RYR2: variants seen among roughly 807,000 people sequenced by gnomAD.
RYR2 encodes ryanodine receptor 2.
Under a neutral mutation model 601.1 loss-of-function variants are expected in RYR2, and 227 were observed. The observed-to-expected ratio is 0.38, with a 90% CI of 0.34 to 0.42. The LOEUF is 0.42. RYR2 is among the 10% of genes least tolerant of loss of function. The probability of loss-of-function intolerance (pLI) is 1.00; values close to 1 mark genes in which losing one functional copy is unlikely to be tolerated. For synonymous variants in RYR2, 2,223 were observed against 2,175.1 expected (o/e 1.02, Z -0.61); for missense variants, 4,646 against 6,156.5 (o/e 0.75, Z 8.21).
At chr1:237,396,846 C>T (rs1178933295) in intron 10 of RYR2, among the ~76,000 whole-genome samples, 1 of 151,978 alleles carries the variant, frequency 6.6e-6, no homozygotes, top group African/African-American at 2.4e-5. Flanking sequence ...AAATAGATCA[C>T]AGACTTAAAT....
intron 23 of RYR2, among the ~76,000 whole-genome samples, chr1:237,510,174 A>C (rs1351082955): frequency 2.0e-5 from 3 of 152,200 alleles, no homozygotes; most frequent in Non-Finnish European, 4.4e-5. Context: ...GAGAGGGCAC[A>C]GGTACCTCAG....
intron 25 of RYR2, among the ~76,000 whole-genome samples, chr1:237,544,253 G>A (rs1024841193): frequency 6.6e-5 from 10 of 151,916 alleles, no homozygotes; most frequent in African/African-American, 2.4e-4. Context: ...ATGATTGATG[G>A]CACAGAGAAT....
chr1:237,047,299 A>G (rs1660707925), intron 1 of RYR2, among the ~76,000 whole-genome samples: 1 of 150,222 alleles, frequency 6.7e-6, no homozygotes, highest in Admixed American at 6.6e-5. Context: ...AGTGAAAAGG[A>G]GGTTTCTTTT....
intron 5 of RYR2, among the ~76,000 whole-genome samples, chr1:237,367,139 G>A (rs1201039663): frequency 6.6e-6 from 1 of 152,118 alleles, no homozygotes; most frequent in East Asian, 1.9e-4. Flanking sequence ...TGTTGCCCAG[G>A]CTGGAGTGCA....
In RYR2 at chr1:237,106,268, G is replaced by A. The variant is rs574778614; in HGVS notation, c.48+63699G>A. Among the ~76,000 whole-genome samples the A allele has an allele frequency of 6.6e-6, 1 of 152,354 alleles. No homozygotes were observed. The highest frequency in any genetic ancestry group is 2.1e-4 in the South Asian group (1 of 4,824). ...TAAACAGGGGTGGGCAGGGAGAACAGCTCCCCTGCACCAGCTCCCGCTGGG... is the reference window on the plus strand; with the variant it reads ...TAAACAGGGGTGGGCAGGGAGAACAACTCCCCTGCACCAGCTCCCGCTGGG... On this transcript the variant is annotated intron_variant, in intron 1 of 104. Transcript: ENST00000366574. The surrounding 1 kb of genome is among the most constrained non-coding windows in gnomAD (Gnocchi z 4.4).
intron 101 of RYR2, among the ~76,000 whole-genome samples, chr1:237,821,076 A>T (rs1008690547): frequency 6.6e-6 from 1 of 152,086 alleles, no homozygotes. Flanking sequence ...GCACCTGGGG[A>T]AAGGGGTGGC....
chr1:237,832,413 ATAGT>A, intron 104 of RYR2, 135 bp from the exon 105 acceptor site: 3 of 504,474 alleles, frequency 5.9e-6, no homozygotes, highest in East Asian at 3.2e-5. Flanking sequence ...AAGGTCTGGT[ATAGT>A]TAGTTAGGAA....
At chr1:237,631,613 A>ATTTTTTTTGT (rs1680264532) in intron 42 of RYR2, 72 bp downstream of exon 42, 1 of 191,274 alleles carries the variant, frequency 5.2e-6, no homozygotes, top group African/African-American at 6.8e-5. Flanking sequence ...TAGAATGCAG[A>ATTTTTTTTGT]TTTTTTTTTT....
chr1:237,149,815 T>G (rs894901248), intron 1 of RYR2, among the ~76,000 whole-genome samples: 3 of 151,586 alleles, frequency 2.0e-5, no homozygotes, highest in African/African-American at 7.3e-5. Context: ...AATGCTATCT[T>G]GAAATGCTGC....
At chr1:237,554,535 A>T (rs1053741939) in intron 27 of RYR2, among the ~76,000 whole-genome samples, 4 of 151,958 alleles carry the variant, frequency 2.6e-5, no homozygotes, top group Non-Finnish European at 4.4e-5. Context: ...CTGTTTTCTG[A>T]AAGAATTTGT....
intron 25 of RYR2, among the ~76,000 whole-genome samples, chr1:237,533,601 C>T (rs16835364): frequency 0.019 from 2,936 of 151,758 alleles, 58 homozygotes; most frequent in African/African-American, 0.049. Context: ...ATAGATGAAC[C>T]TAAAAAATAA....
intron 8 of RYR2, among the ~76,000 whole-genome samples, chr1:237,383,417 GTTTTTTTTTTTTTTTTT>G (rs10567644): frequency 5.9e-5 from 3 of 50,560 alleles, no homozygotes; most frequent in Admixed American, 2.6e-4. Flanking sequence ...CTTTTTTCTT[GTTTTTTTTTTTTTTTTT>G]TTTTTTTTTT....
intron 17 of RYR2, among the ~76,000 whole-genome samples, chr1:237,477,767 A>G (rs10495396): frequency 0.47 from 71,995 of 152,010 alleles, 18,993 homozygotes; most frequent in East Asian, 0.7. Flanking sequence ...ACTTAGTTCA[A>G]TCTTCTCAAG....
At chr1:237,406,313 C>T (rs1007607345) in intron 10 of RYR2, among the ~76,000 whole-genome samples, 2 of 149,850 alleles carry the variant, frequency 1.3e-5, no homozygotes, top group African/African-American at 4.9e-5. Context: ...CCATGTCAAA[C>T]TGTACATTCG....
intron 65 of RYR2, among the ~76,000 whole-genome samples, chr1:237,701,280 C>T (rs1309438591): frequency 6.6e-6 from 1 of 152,178 alleles, no homozygotes; most frequent in African/African-American, 2.4e-5. Context: ...CCTGTAATCC[C>T]AGTACTTTGG....
At chr1:237,741,467 T>C (rs1043300249) in intron 79 of RYR2, among the ~76,000 whole-genome samples, 2 of 152,196 alleles carry the variant, frequency 1.3e-5, no homozygotes, top group African/African-American at 4.8e-5. Context: ...CAATCTAACT[T>C]TGATGAGCTG....
intron 1 of RYR2, among the ~76,000 whole-genome samples, chr1:237,166,880 TAAC>T (rs1676768794): frequency 6.6e-6 from 1 of 152,166 alleles, no homozygotes; most frequent in African/African-American, 2.4e-5. Flanking sequence ...CAGAAAGACT[TAAC>T]AAGAAAATCA....
intron 51 of RYR2, among the ~76,000 whole-genome samples, chr1:237,651,757 G>T (rs1682754261): frequency 6.6e-6 from 1 of 152,328 alleles, no homozygotes; most frequent in African/African-American, 2.4e-5. Flanking sequence ...AGGACCACAG[G>T]CCGGGCGCGG....
chr1:237,308,849 A>G (rs975205562), intron 2 of RYR2, among the ~76,000 whole-genome samples: 2 of 152,216 alleles, frequency 1.3e-5, no homozygotes, highest in Non-Finnish European at 1.5e-5. Flanking sequence ...CCCCACCCAC[A>G]TCCTGCTGAT....
Sources: gnomAD v4.1 joint callset for allele counts (sites outside exome capture counted in the v4.1 genomes callset) on GRCh38, gnomAD v4.1.1 for gene constraint, Gnocchi (gnomAD v3.1) non-coding constraint, MANE v1.5 for transcripts, NCBI Gene and HGNC (gene_info 2026-07-23, HGNC 2026-07-21) for gene names.